AK4: variants seen among roughly 807,000 people sequenced by gnomAD.
AK4 encodes the protein adenylate kinase 4, mitochondrial.
Under a neutral mutation model 24.6 loss-of-function variants are expected in AK4, and 13 were observed. That is an observed-to-expected ratio of 0.53 (90% confidence interval 0.34 to 0.84). The LOEUF (loss-of-function observed/expected upper bound fraction) is 0.84, where lower values mean the gene tolerates loss of function less well. Ranked by LOEUF, AK4 falls within the 40% of genes least tolerant of loss-of-function variation. The probability of loss-of-function intolerance (pLI) is 0.01; values close to 1 mark genes in which losing one functional copy is unlikely to be tolerated. For missense variants in AK4, 192 were observed against 288.2 expected, an observed-to-expected ratio of 0.67 and a Z score of 2.42; for synonymous variants, 88 against 107.0, an observed-to-expected ratio of 0.82 and a Z score of 1.10.
intron 1 of AK4, among the ~76,000 whole-genome samples, chr1:65,181,647 C>T (rs1650911417): frequency 6.6e-6 from 1 of 152,174 alleles, no homozygotes; most frequent in Non-Finnish European, 1.5e-5. Context: ...CTTGGCCTCC[C>T]AAAGTGCTGG....
At chr1:65,157,024 T>C (rs575350530) in intron 1 of AK4, among the ~76,000 whole-genome samples, 7 of 152,260 alleles carry the variant, frequency 4.6e-5, no homozygotes, top group African/African-American at 1.7e-4. Flanking sequence ...CTGTGAAAAT[T>C]AACTATTTTC....
intron 1 of AK4, among the ~76,000 whole-genome samples, chr1:65,161,421 A>T (rs1000812034): frequency 5.9e-5 from 9 of 152,174 alleles, no homozygotes; most frequent in African/African-American, 2.2e-4. Flanking sequence ...GTGCGCATGC[A>T]TGCAGGTAGA....
intron 1 of AK4, among the ~76,000 whole-genome samples, chr1:65,169,923 T>C (rs772673339): frequency 6.6e-6 from 1 of 152,170 alleles, no homozygotes; most frequent in African/African-American, 2.4e-5. Context: ...TCCCTCACTC[T>C]AGGTGGTGTG....
At chr1:65,193,727 G>T (rs1651381344) in intron 2 of AK4, among the ~76,000 whole-genome samples, 1 of 152,222 alleles carries the variant, frequency 6.6e-6, no homozygotes, top group South Asian at 2.1e-4. Context: ...AGTCCTCCAT[G>T]TGCAAGGGTT....
At chr1:65,190,282 TCTC>T (rs777031113) in intron 1 of AK4, among the ~76,000 whole-genome samples, 5 of 151,220 alleles carry the variant, frequency 3.3e-5, no homozygotes, top group South Asian at 2.1e-4. Flanking sequence ...TGAGACAGGG[TCTC>T]CTCCTGTTGC....
At chr1:65,216,420 G>A (rs756994687) in intron 2 of AK4, among the ~76,000 whole-genome samples, 10 of 152,066 alleles carry the variant, frequency 6.6e-5, no homozygotes, top group Non-Finnish European at 1.3e-4. Context: ...CATCATGCCC[G>A]GCCACTAATA....
intron 1 of AK4, among the ~76,000 whole-genome samples, chr1:65,169,187 A>AG (rs1557442809): frequency 1.3e-5 from 2 of 151,864 alleles, no homozygotes; most frequent in East Asian, 1.9e-4. Flanking sequence ...AAAAAAAAAA[A>AG]AAAAAGAAAA....
intron 1 of AK4, chr1:65,154,735 CAAA>C (rs938882821): frequency 1.5e-5 from 4 of 267,744 alleles, no homozygotes; most frequent in African/African-American, 8.8e-5. Flanking sequence ...AACATTCAAA[CAAA>C]GAACGCTCTT....
chr1:65,208,169 G>T (rs1345903561), intron 2 of AK4, among the ~76,000 whole-genome samples: 3 of 152,146 alleles, frequency 2.0e-5, no homozygotes, highest in African/African-American at 7.2e-5. Flanking sequence ...AAGTGTTCCT[G>T]TTTCTCTGCA....
intron 2 of AK4, among the ~76,000 whole-genome samples, chr1:65,202,119 C>T (rs10889526): frequency 0.51 from 78,224 of 152,012 alleles, 22,291 homozygotes; most frequent in African/African-American, 0.76. Flanking sequence ...CTGGATTGGC[C>T]GGGCGTGGTG....
At chr1:65,164,904 G>A (rs1570074272) in intron 1 of AK4, among the ~76,000 whole-genome samples, 1 of 152,096 alleles carries the variant, frequency 6.6e-6, no homozygotes. Context: ...TTGGAAACTG[G>A]GGTTGAAGGT....
chr1:65,221,135 A>T (rs2101089076), intron 3 of AK4, among the ~76,000 whole-genome samples: 1 of 152,296 alleles, frequency 6.6e-6, no homozygotes, highest in Middle Eastern at 3.4e-3. Context: ...TGTTTTTTTG[A>T]TAAAGACTAT....
intron 2 of AK4, among the ~76,000 whole-genome samples, chr1:65,212,787 C>G (rs1652011583): frequency 6.6e-6 from 1 of 152,202 alleles, no homozygotes; most frequent in Non-Finnish European, 1.5e-5. Context: ...TAGCAGAAAT[C>G]TAAGGACCAG....
Position 65,219,227 on chromosome 1 carries a change from TA to T in AK4, c.438+305del, listed in dbSNP as rs555717551. 1.6e-3 allele frequency among the ~76,000 whole-genome samples: 248 copies of T among 151,684 alleles called. 2 individuals are homozygous for T. Among genetic ancestry groups the T allele is most frequent in the African/African-American group, 5.6e-3 (234 of 41,512 alleles). Reference sequence around the variant, plus strand: ...AATTATATTTATTTTATTTAAAAAATAAAACTAAAAGTCTATTGCTGGTGGG... The same window carrying T: ...AATTATATTTATTTTATTTAAAAAATAAACTAAAAGTCTATTGCTGGTGGG... On this transcript the variant is annotated intron_variant, in intron 3 of 4. Coordinates refer to ENST00000327299, the MANE Select transcript of AK4 (RefSeq NM_013410.4).
chr1:65,148,627 C>G (rs1408030660), intron 1 of AK4, 75 bp downstream of exon 1: 1 of 1,440,404 alleles, frequency 6.9e-7, no homozygotes, highest in Non-Finnish European at 9.2e-7. Context: ...GACTGGGGCT[C>G]CCGGATCACG....
rs1051466871 is a variant in AK4, at chr1:65,229,466, C to G, written c.*3289C>G. ...GGAGGATTGCTTGATCCTAGGAATTCGAGGCTGCAGTGAGCTATGATTGCA... is the reference window on the plus strand; with the variant it reads ...GGAGGATTGCTTGATCCTAGGAATTGGAGGCTGCAGTGAGCTATGATTGCA... On this transcript the variant is annotated 3_prime_UTR_variant, in exon 5 of 5. Coordinates refer to ENST00000327299, the MANE Select transcript of AK4 (RefSeq NM_013410.4). 1 of 151,708 alleles carries G rather than the reference C, an allele frequency of 6.6e-6. No homozygotes were observed. Among genetic ancestry groups the G allele is most frequent in the Non-Finnish European group, 1.5e-5 (1 of 68,022 alleles). The allele number at this position is 151,708 out of a possible 1,614,324, so 9.4% of individuals were successfully genotyped here.
intron 2 of AK4, among the ~76,000 whole-genome samples, chr1:65,213,757 G>A (rs1194706777): frequency 2.0e-5 from 3 of 152,224 alleles, no homozygotes; most frequent in African/African-American, 4.8e-5. Context: ...CTCTGACCCC[G>A]AATTCCTGTG....
At chr1:65,197,323 C>T (rs964042085) in intron 2 of AK4, among the ~76,000 whole-genome samples, 8 of 152,156 alleles carry the variant, frequency 5.3e-5, no homozygotes, top group African/African-American at 1.9e-4. Flanking sequence ...GTAGAATTAT[C>T]TGCCATATGA....
chr1:65,168,973 T>G (rs1650421897), intron 1 of AK4, among the ~76,000 whole-genome samples: 1 of 152,084 alleles, frequency 6.6e-6, no homozygotes, highest in Non-Finnish European at 1.5e-5. Context: ...CCAGGACTTC[T>G]GAGACCAGCC....
Sources: allele counts gnomAD v4.1 joint callset (sites outside exome capture counted in the v4.1 genomes callset), GRCh38; gene constraint gnomAD v4.1.1; transcripts MANE v1.5; gene names NCBI Gene and HGNC (gene_info 2026-07-23, HGNC 2026-07-21).